The following ANXA8 variants were observed in gnomAD, a reference collection of about 807,000 sequenced individuals.
ANXA8 encodes the protein annexin A8, also known as VAC-beta.
Under a neutral mutation model 26.8 loss-of-function variants are expected in ANXA8, and 9 were observed. The ratio of observed to expected loss-of-function variants is 0.34; its 90% CI spans 0.20 to 0.59. The LOEUF is 0.59. Among genes scored for constraint, ANXA8 ranks in the 20% least tolerant of loss-of-function variants. The pLI is 0.84. For synonymous variants in ANXA8, 39 were observed against 94.8 expected, an observed-to-expected ratio of 0.41 and a Z score of 3.42; for missense variants, 83 against 238.5, an observed-to-expected ratio of 0.35 and a Z score of 4.29.
At chr10:47,734,879 C>T in the ANXA8 span, among the ~76,000 whole-genome samples, 9 of 126,680 alleles carry the variant, frequency 7.1e-5, no homozygotes, top group East Asian at 2.8e-4. Context: ...GTTAGCCAGG[C>T]GTGGTGGTGC....
At chr10:47,618,355 A>G in the ANXA8 span, among the ~76,000 whole-genome samples, 2 of 111,084 alleles carry the variant, frequency 1.8e-5, no homozygotes, top group African/African-American at 7.0e-5. Context: ...TCCCAAGTAA[A>G]TGAAATGACA....
chr10:47,647,543 G>T, the ANXA8 span, among the ~76,000 whole-genome samples: 5 of 149,520 alleles, frequency 3.3e-5, no homozygotes, highest in Non-Finnish European at 7.4e-5. Flanking sequence ...AGACCTGTAT[G>T]ACTTCACAGA....
At chr10:47,623,351 C>T in the ANXA8 span, among the ~76,000 whole-genome samples, 6 of 112,492 alleles carry the variant, frequency 5.3e-5, no homozygotes, top group East Asian at 2.2e-4. Flanking sequence ...TAAGGACGTA[C>T]TTTAGGCTAG....
chr10:47,603,406 C>T, the ANXA8 span, among the ~76,000 whole-genome samples: 6 of 149,820 alleles, frequency 4.0e-5, no homozygotes, highest in South Asian at 2.1e-4. Context: ...AACAGATAAC[C>T]GATTTTAATT....
the ANXA8 span, among the ~76,000 whole-genome samples, chr10:47,898,958 C>T: frequency 1.4e-4 from 21 of 149,688 alleles, no homozygotes; most frequent in African/African-American, 3.9e-4. Flanking sequence ...CTCAGCCTCC[C>T]GAGTAGCTGG....
At chr10:47,485,193 C>A (rs1490103066), upstream of ANXA8, among the ~76,000 whole-genome samples, 1 of 152,224 alleles carries the variant, frequency 6.6e-6, no homozygotes, top group South Asian at 2.1e-4. Flanking sequence ...TTCATCCAAG[C>A]GATTTGGTTA....
the ANXA8 span, among the ~76,000 whole-genome samples, chr10:47,605,996 A>G: frequency 6.6e-6 from 1 of 150,846 alleles, no homozygotes; most frequent in Non-Finnish European, 1.5e-5. Flanking sequence ...ATAGTCCCAG[A>G]TGGGTGAACA....
At chr10:47,631,807 T>C in the ANXA8 span, among the ~76,000 whole-genome samples, 1 of 151,350 alleles carries the variant, frequency 6.6e-6, no homozygotes, top group Non-Finnish European at 1.5e-5. Flanking sequence ...TTTATATTTT[T>C]CCTGTAAATA....
chr10:47,766,129 C>T, the ANXA8 span, among the ~76,000 whole-genome samples: 1 of 136,744 alleles, frequency 7.3e-6, no homozygotes, highest in Non-Finnish European at 1.6e-5. Flanking sequence ...GTGTCTTATT[C>T]AGCTTGGCAT....
At chr10:47,469,018 G>A in intron 11 of ANXA8, 112 bp from the exon 12 acceptor site, 3 of 1,441,352 alleles carry the variant, frequency 2.1e-6, no homozygotes, top group Non-Finnish European at 2.8e-6. Flanking sequence ...ACCTGGCCCG[G>A]CCCTCCAGGG....
chr10:47,554,808 C>T, the ANXA8 span, among the ~76,000 whole-genome samples: 2,742 of 152,084 alleles, frequency 0.018, 9 homozygotes, highest in Non-Finnish European at 0.028. Context: ...AGGCTACCTA[C>T]GTGGCGCATG....
the ANXA8 span, chr10:47,710,122 C>A: frequency 2.0e-6 from 1 of 493,958 alleles, no homozygotes; most frequent in Non-Finnish European, 3.5e-6. Flanking sequence ...TATATCTAAT[C>A]ATACTTTACA....
the ANXA8 span, chr10:47,706,783 T>C: frequency 4.0e-6 from 4 of 1,003,256 alleles, no homozygotes; most frequent in Admixed American, 4.1e-5. Flanking sequence ...CCGAGGACAC[T>C]GGGAATATAT....
the ANXA8 span, among the ~76,000 whole-genome samples, chr10:47,496,007 G>A: frequency 4.1e-4 from 62 of 151,698 alleles, 1 homozygote; most frequent in African/African-American, 1.4e-3. Flanking sequence ...GAACACTTGG[G>A]AAGGCAGGGC....
At chr10:47,490,045 C>T in the ANXA8 span, among the ~76,000 whole-genome samples, 70 of 149,782 alleles carry the variant, frequency 4.7e-4, 3 homozygotes, top group African/African-American at 1.7e-3. Flanking sequence ...GGCAGTCTTG[C>T]CAGCTGAGAC....
chr10:47,669,637 C>T, the ANXA8 span, among the ~76,000 whole-genome samples: 6 of 151,478 alleles, frequency 4.0e-5, no homozygotes, highest in African/African-American at 1.5e-4. Context: ...ATCGCATGAG[C>T]CTGGGATGTG....
the ANXA8 span, among the ~76,000 whole-genome samples, chr10:47,779,083 C>T: frequency 6.7e-6 from 1 of 148,890 alleles, no homozygotes; most frequent in African/African-American, 2.5e-5. Context: ...TTTTAACAAG[C>T]AATAGTTTTT....
the ANXA8 span, among the ~76,000 whole-genome samples, chr10:47,733,249 T>TTCTCTTTCTTTCTC: frequency 1.9e-3 from 181 of 95,082 alleles, 3 homozygotes; most frequent in Middle Eastern, 0.01. Flanking sequence ...CTTTCTTTCT[T>TTCTCTTTCTTTCTC]TCTTTCTTTC....
At chr10:47,507,656 G>A in the ANXA8 span, 8 of 1,515,784 alleles carry the variant, frequency 5.3e-6, 1 homozygote, top group Non-Finnish European at 8.8e-7. Flanking sequence ...TTTAAAAGGG[G>A]GGCAGAGGAA....
Sources: allele counts gnomAD v4.1 joint callset (sites outside exome capture counted in the v4.1 genomes callset), GRCh38; gene constraint gnomAD v4.1.1; transcripts MANE v1.5; gene names NCBI Gene and HGNC (gene_info 2026-07-23, HGNC 2026-07-21).